Variants in ATP6V1B2 observed in about 807,000 individuals in gnomAD.
ATP6V1B2 encodes the protein V-type proton ATPase subunit B, brain isoform.
Under a neutral mutation model 66.7 loss-of-function variants are expected in ATP6V1B2, and 23 were observed. The observed-to-expected ratio is 0.34, with a 90% CI of 0.25 to 0.49. The LOEUF is 0.49. Ranked by LOEUF, ATP6V1B2 falls within the 20% of genes least tolerant of loss-of-function variation. ATP6V1B2 has a pLI of 0.99. For synonymous variants in ATP6V1B2, 278 were observed against 236.7 expected (o/e 1.17, Z -1.60); for missense variants, 478 against 650.8 (o/e 0.73, Z 2.89).
chr8:20,216,404 C>G lies in ATP6V1B2; in HGVS notation c.1079-9C>G, dbSNP rs754411073. The G allele has an allele frequency of 6.2e-7, 1 of 1,608,586 alleles. No homozygotes were observed. The highest frequency in any genetic ancestry group is 1.1e-5 in the South Asian group (1 of 90,950). On this transcript the variant is annotated splice_polypyrimidine_tract_variant and intron_variant, in intron 10 of 13. Transcript: ENST00000276390. Reference sequence around the variant, plus strand: ...GCCATGCTTAATGCCAACTGTCTTCCTCTGGTAGATATCACTCACCCCATC... The same window carrying G: ...GCCATGCTTAATGCCAACTGTCTTCGTCTGGTAGATATCACTCACCCCATC...
chr8:20,207,312 C>T (rs1417607256), intron 2 of ATP6V1B2, among the ~76,000 whole-genome samples: 1 of 152,144 alleles, frequency 6.6e-6, no homozygotes, highest in Non-Finnish European at 1.5e-5. Context: ...GGTAAATCAA[C>T]ATTACAAGGC....
intron 9 of ATP6V1B2, chr8:20,213,140 G>A (rs2072812284): frequency 4.3e-6 from 2 of 461,838 alleles, no homozygotes; most frequent in Non-Finnish European, 7.6e-6. Flanking sequence ...TATCTCCATG[G>A]ATTAAGAAAT....
chr8:20,203,687 C>T (rs1485704204), intron 1 of ATP6V1B2, among the ~76,000 whole-genome samples: 1 of 151,964 alleles, frequency 6.6e-6, no homozygotes, highest in South Asian at 2.1e-4. Context: ...GTTCTTATAC[C>T]TGATCCCCAT....
chr8:20,215,011 A>G (rs1447445667), intron 10 of ATP6V1B2, 43 bp downstream of exon 10: 7 of 1,586,270 alleles, frequency 4.4e-6, no homozygotes, highest in Non-Finnish European at 6.0e-6. Flanking sequence ...AATCATTTTA[A>G]AGAGAGAGAA....
intron 3 of ATP6V1B2, 106 bp downstream of exon 3, chr8:20,209,637 T>A: frequency 9.3e-7 from 1 of 1,075,856 alleles, no homozygotes. Context: ...TTAGAGTCTT[T>A]AGAGATTGGT....
intron 2 of ATP6V1B2, among the ~76,000 whole-genome samples, chr8:20,208,929 G>C (rs921239870): frequency 5.9e-5 from 9 of 151,826 alleles, no homozygotes; most frequent in African/African-American, 9.7e-5. Context: ...GGCTGGTCTC[G>C]AACTCCTGAC....
chr8:20,208,511 C>T (rs1279100957), intron 2 of ATP6V1B2, among the ~76,000 whole-genome samples: 1 of 151,960 alleles, frequency 6.6e-6, no homozygotes, highest in African/African-American at 2.4e-5. Context: ...ATGTTAATAT[C>T]AGGTCAAGTG....
chr8:20,202,206 C>T (rs933229646), intron 1 of ATP6V1B2, among the ~76,000 whole-genome samples: 3 of 152,092 alleles, frequency 2.0e-5, no homozygotes, highest in African/African-American at 7.2e-5. Context: ...AGATACCATA[C>T]CACAAAAAAT....
intron 5 of ATP6V1B2, 121 bp from the exon 6 acceptor site, chr8:20,211,056 T>C: frequency 7.9e-7 from 1 of 1,264,348 alleles, no homozygotes; most frequent in Non-Finnish European, 1.1e-6. Context: ...AGTAAAGAGA[T>C]GCTTTATGTA....
At chr8:20,220,134 C>T in intron 13 of ATP6V1B2, 129 bp from the exon 14 acceptor site, 1 of 970,254 alleles carries the variant, frequency 1.0e-6, no homozygotes, top group Non-Finnish European at 1.5e-6. Context: ...CTCATTTAGT[C>T]TTGGGAGTCC....
chr8:20,219,225 G>A (rs565693560), intron 13 of ATP6V1B2, among the ~76,000 whole-genome samples: 3 of 152,290 alleles, frequency 2.0e-5, no homozygotes, highest in South Asian at 2.1e-4. Context: ...ATTCCTGGGT[G>A]ATGTTGAAGC....
At chr8:20,197,633 A>T in intron 1 of ATP6V1B2, 91 bp downstream of exon 1, 1 of 1,276,044 alleles carries the variant, frequency 7.8e-7, no homozygotes, top group Non-Finnish European at 1.0e-6. Context: ...GGTAGGGGGT[A>T]GGATTTGTTT....
chr8:20,217,475 G>C (rs945886692), intron 12 of ATP6V1B2, 151 bp downstream of exon 12: 30 of 672,232 alleles, frequency 4.5e-5, no homozygotes, highest in Non-Finnish European at 7.2e-5. Context: ...TCATTCATTA[G>C]AACCAAAGCA....
chr8:20,207,359 G>T (rs1030806567), intron 2 of ATP6V1B2, among the ~76,000 whole-genome samples: 1 of 152,052 alleles, frequency 6.6e-6, no homozygotes, highest in South Asian at 2.1e-4. Context: ...TATTGTTAGG[G>T]CAATTGGTTT....
At chr8:20,220,225 G>C (rs760081915) in intron 13 of ATP6V1B2, 38 bp from the exon 14 acceptor site, 5 of 1,596,902 alleles carry the variant, frequency 3.1e-6, no homozygotes, top group Admixed American at 3.6e-5. Flanking sequence ...TAAGTTGGAA[G>C]TCATTTGCAT....
Position 20,211,213 on chromosome 8 carries a change from A to G in ATP6V1B2, c.500A>G (p.Glu167Gly). The G allele has an allele frequency of 6.2e-7, 1 of 1,613,172 alleles. No homozygotes were observed. Among genetic ancestry groups the G allele is most frequent in the South Asian group, 1.1e-5 (1 of 90,954 alleles). ...PINPQCRIYP[E>G]EMIQTGISAI... Reference sequence around the variant, plus strand: ...AACCCTCAATGTCGAATCTACCCAGAGGAAATGATTCAGACTGGCATTTCG... The same window carrying G: ...AACCCTCAATGTCGAATCTACCCAGGGGAAATGATTCAGACTGGCATTTCG... The change falls in exon 6 of 14, where the codon GAG (glutamate) becomes GGG (glycine). Residue 167 changes from glutamate to glycine, a missense_variant. By Grantham distance (98) the Glu-to-Gly change is moderately conservative. Transcript: ENST00000276390.
intron 2 of ATP6V1B2, among the ~76,000 whole-genome samples, chr8:20,206,654 A>AC (rs1279091739): frequency 6.6e-6 from 1 of 152,122 alleles, no homozygotes; most frequent in African/African-American, 2.4e-5. Context: ...GCTGGGGTGG[A>AC]CCACCTTCCT....
chr8:20,204,101 G>C (rs574791466), intron 1 of ATP6V1B2: 1 of 431,172 alleles, frequency 2.3e-6, no homozygotes, highest in Admixed American at 2.7e-5. Flanking sequence ...CTATTCCCCT[G>C]TTTCTGCTGT....
At chr8:20,212,462 A>G (rs2072804865) in intron 8 of ATP6V1B2, among the ~76,000 whole-genome samples, 1 of 152,190 alleles carries the variant, frequency 6.6e-6, no homozygotes, top group Non-Finnish European at 1.5e-5. Flanking sequence ...TAAATTACCT[A>G]ATACACAATC....
Sources: gnomAD v4.1 joint callset for allele counts (sites outside exome capture counted in the v4.1 genomes callset) on GRCh38, gnomAD v4.1.1 for gene constraint, MANE v1.5 for transcripts, NCBI Gene and HGNC (gene_info 2026-07-23, HGNC 2026-07-21) for gene names.